The following RPH3AL variants were observed in gnomAD, a reference collection of about 807,000 sequenced individuals.
The protein encoded by RPH3AL is rabphilin 3A like (without C2 domains).
In RPH3AL, 38 loss-of-function variants were observed where a neutral mutation model predicts 43.1. That is an observed-to-expected ratio of 0.88 (90% confidence interval 0.68 to 1.15). The LOEUF (loss-of-function observed/expected upper bound fraction) is 1.15. Among genes scored for constraint, RPH3AL ranks in the 50% most tolerant of loss-of-function variants. The probability of loss-of-function intolerance (pLI) is 0.00; values close to 1 mark genes in which losing one functional copy is unlikely to be tolerated. For missense variants in RPH3AL, 462 were observed against 423.2 expected, an observed-to-expected ratio of 1.09 and a Z score of -0.81; for synonymous variants, 189 against 176.3, an observed-to-expected ratio of 1.07 and a Z score of -0.57.
rs141862888 is a variant in RPH3AL, at chr17:324,686, T to C, written c.77+2781A>G. ...CCTATTCTTTCTTTCTATCTTTCTA[T>C]CTATCTAGCTAGCTAGCTATGTACC... On this transcript the variant is annotated intron_variant, in intron 3 of 9. Transcript: ENST00000331302. Among the ~76,000 whole-genome samples the C allele has an allele frequency of 7.3e-5, 10 of 137,576 alleles. No homozygotes were observed. The East Asian group carries it at 2.0e-3, about 27-fold the overall frequency. The allele number at this position is 137,576 out of a possible 152,430, so 90.3% of individuals were successfully genotyped here.
chr17:304,881 G>A (rs1039763451), intron 5 of RPH3AL, among the ~76,000 whole-genome samples: 5 of 144,638 alleles, frequency 3.5e-5, no homozygotes, highest in African/African-American at 1.3e-4. Flanking sequence ...GCCAGCCCCC[G>A]GTCCAGCGCC....
chr17:305,166 C>T (rs115983867), intron 5 of RPH3AL, among the ~76,000 whole-genome samples: 11,619 of 135,626 alleles, frequency 0.086, 640 homozygotes, highest in Non-Finnish European at 0.1. Flanking sequence ...GGCTCCGGGG[C>T]GTCTGCACCA....
Position 345,230 on chromosome 17 carries a change from T to C in RPH3AL, c.-213+7482A>G, listed in dbSNP as rs575071418. ...GGGAGGTTAAGCCTGCAGTGAGCCA[T>C]GATCGTGCCACTGCACTCCAGGCTG... On this transcript the variant is annotated intron_variant, in intron 1 of 9. Transcript: ENST00000331302. Among the ~76,000 whole-genome samples the C allele has an allele frequency of 3.7e-4, 50 of 135,036 alleles. 5 individuals carry two copies. Among genetic ancestry groups the C allele is most frequent in the African/African-American group, 1.2e-3 (49 of 39,494 alleles). 88.6% of individuals were successfully genotyped at this position (135,036 alleles called of 152,430 possible). A position where few individuals can be genotyped will look rare whatever the true frequency, so the allele number is the denominator to read the frequency against.
At chr17:253,823 GTA>G (rs2041992309) in intron 6 of RPH3AL, among the ~76,000 whole-genome samples, 2 of 90,952 alleles carry the variant, frequency 2.2e-5, no homozygotes, top group Admixed American at 1.2e-4. Flanking sequence ...ACTACCCTAC[GTA>G]CTTCCTATGA....
chr17:243,267 CT>C (rs1427277964), intron 7 of RPH3AL, among the ~76,000 whole-genome samples: 4 of 141,346 alleles, frequency 2.8e-5, no homozygotes, highest in African/African-American at 8.0e-5. Context: ...ATTGATTACC[CT>C]TCCTCTATTG....
rs1015469855 is a variant in RPH3AL at position 213,874 on chromosome 17, C to A, written c.926G>T (p.Gly309Val). 2 of 1,613,666 alleles carry A rather than the reference C, an allele frequency of 1.2e-6. No individual in the cohort carries two copies. Among genetic ancestry groups the A allele is most frequent in the East Asian group, 2.2e-5 (1 of 44,878 alleles). ...ACCTCAGCCCAGGCAGCTGGAGGGG[C>A]CTGCTGGAGCTGCGTCAGCAGCGGG... ...RAPAADAAPAGPSSCLG is the reference protein window; with the variant it reads ...RAPAADAAPAVPSSCLG The change falls in exon 10 of 10, where the codon GGC (glycine) becomes GTC (valine). Residue 309 changes from glycine (G) to valine (V), a missense_variant. Transcript: ENST00000331302.
intron 5 of RPH3AL, among the ~76,000 whole-genome samples, chr17:284,077 C>T (rs1227097513): frequency 6.6e-5 from 10 of 152,210 alleles, no homozygotes; most frequent in African/African-American, 1.2e-4. Context: ...ACTCTACACA[C>T]GCATCGGTTG....
At chr17:232,837 T>C in intron 7 of RPH3AL, among the ~76,000 whole-genome samples, 1 of 21,886 alleles carries the variant, frequency 4.6e-5, no homozygotes, top group Non-Finnish European at 8.5e-5. Flanking sequence ...GGCGTGTGTG[T>C]GTGTGTGTGT....
chr17:221,937 A>G (rs373547974), intron 7 of RPH3AL, among the ~76,000 whole-genome samples: 93 of 58,494 alleles, frequency 1.6e-3, no homozygotes, highest in East Asian at 3.6e-3. Context: ...AGACCCAAGC[A>G]CATCAGCTCT....
chr17:300,773 G>T (rs57997616), intron 5 of RPH3AL, among the ~76,000 whole-genome samples: 1 of 109,858 alleles, frequency 9.1e-6, no homozygotes, highest in South Asian at 2.9e-4. Flanking sequence ...TCTCTCACCC[G>T]CTCTAGCAGG....
chr17:337,249 A>G (rs2044983548), intron 1 of RPH3AL, among the ~76,000 whole-genome samples: 1 of 151,718 alleles, frequency 6.6e-6, no homozygotes, highest in Non-Finnish European at 1.5e-5. Context: ...AAGTCGCTAG[A>G]ACTACACGCC....
chr17:253,163 G>C (rs1597941900), intron 6 of RPH3AL, among the ~76,000 whole-genome samples: 1 of 152,208 alleles, frequency 6.6e-6, no homozygotes, highest in African/African-American at 2.4e-5. Context: ...GAGGCCACCA[G>C]AGTGAGGGGC....
intron 7 of RPH3AL, among the ~76,000 whole-genome samples, chr17:226,773 T>G (rs954992649): frequency 6.6e-6 from 1 of 152,232 alleles, no homozygotes; most frequent in Non-Finnish European, 1.5e-5. Flanking sequence ...TCTCCCTGCA[T>G]AGCAGCTGTG....
In RPH3AL at chr17:323,793, C is replaced by G. The variant is rs1325437192; in HGVS notation, c.78-2378G>C. 6.6e-6 allele frequency among the ~76,000 whole-genome samples: 1 copy of G among 152,108 alleles called. No individual in the cohort carries two copies. The highest frequency in any genetic ancestry group is 1.5e-5 in the Non-Finnish European group (1 of 68,006). ...CTTCCATCGGACCCTCACAGTCACC[C>G]CGAGGCAGGCCCGGACCCTCCATCA... is the stretch of plus-strand genomic sequence containing the variant. On this transcript the variant is annotated intron_variant, in intron 3 of 9. Transcript: ENST00000331302. The surrounding 1 kb of genome is among the most constrained non-coding windows in gnomAD (Gnocchi z 4.4).
rs782238751 is a variant in RPH3AL at position 265,709 on chromosome 17, G to A, written c.438+16059C>T. On this transcript the variant is annotated intron_variant, in intron 6 of 9. Transcript: ENST00000331302. Reference sequence around the variant, plus strand: ...AATGACACAAACAACATCTGAAAAGGGAGTCAGTGGATATTAATTCATTCA... The same window carrying A: ...AATGACACAAACAACATCTGAAAAGAGAGTCAGTGGATATTAATTCATTCA... Among the ~76,000 whole-genome samples, 40 of 152,294 alleles carry A rather than the reference G, an allele frequency of 2.6e-4. 1 individual carries two copies. The highest frequency in any genetic ancestry group is 8.3e-4 in the South Asian group (4 of 4,814).
chr17:241,872 T>A (rs542124700), intron 7 of RPH3AL, among the ~76,000 whole-genome samples: 13 of 152,068 alleles, frequency 8.5e-5, no homozygotes, highest in African/African-American at 1.2e-4. Flanking sequence ...TCCCCGCACT[T>A]TGGGAGGCCG....
intron 7 of RPH3AL, among the ~76,000 whole-genome samples, chr17:221,895 T>A (rs12947532): frequency 0.027 from 944 of 35,214 alleles, 3 homozygotes; most frequent in Non-Finnish European, 0.032. Context: ...CCCAAGCACA[T>A]CAGCTCTGAG....
intron 5 of RPH3AL, among the ~76,000 whole-genome samples, chr17:318,022 C>T (rs939398516): frequency 1.3e-5 from 2 of 151,812 alleles, no homozygotes; most frequent in Admixed American, 6.6e-5. Flanking sequence ...TTTTAGTTCC[C>T]TTGCCCAATA....
At chr17:285,293 C>T (rs987757816) in intron 5 of RPH3AL, among the ~76,000 whole-genome samples, 3 of 152,176 alleles carry the variant, frequency 2.0e-5, no homozygotes, top group Non-Finnish European at 4.4e-5. Flanking sequence ...CGGCACGGCG[C>T]ACAGGTTTGG....
Sources: gnomAD v4.1 joint callset for allele counts (sites outside exome capture counted in the v4.1 genomes callset) on GRCh38, gnomAD v4.1.1 for gene constraint, Gnocchi (gnomAD v3.1) non-coding constraint, MANE v1.5 for transcripts, NCBI Gene and HGNC (gene_info 2026-07-23, HGNC 2026-07-21) for gene names.